NARS2: variants seen among roughly 807,000 people sequenced by gnomAD.
NARS2 encodes asparaginyl-tRNA synthetase 2, mitochondrial, also known as asparaginyl-tRNA synthetase.
In NARS2, 60 loss-of-function variants were observed where a neutral mutation model predicts 62.9. That is an observed-to-expected ratio of 0.95 (90% CI 0.77 to 1.18). The LOEUF (loss-of-function observed/expected upper bound fraction) is 1.18, where lower values mean the gene tolerates loss of function less well. Among genes scored for constraint, NARS2 ranks in the 50% most tolerant of loss-of-function variants. The pLI is 0.00. For synonymous variants in NARS2, 196 were observed against 200.0 expected, an observed-to-expected ratio of 0.98 and a Z score of 0.17; for missense variants, 619 against 576.4, an observed-to-expected ratio of 1.07 and a Z score of -0.76.
chr11:78,565,791 C>A (rs188339821), intron 4 of NARS2, among the ~76,000 whole-genome samples: 1 of 152,140 alleles, frequency 6.6e-6, no homozygotes, highest in Non-Finnish European at 1.5e-5. Flanking sequence ...GGCTGTAGGT[C>A]GGGACCTGAG....
intron 6 of NARS2, among the ~76,000 whole-genome samples, chr11:78,500,555 C>T (rs559264711): frequency 3.3e-5 from 5 of 152,194 alleles, no homozygotes; most frequent in Middle Eastern, 3.4e-3. Flanking sequence ...CTCACTGTAG[C>T]CTCAACCTCC....
At chr11:78,454,501 T>A (rs532000409) in intron 11 of NARS2, among the ~76,000 whole-genome samples, 45 of 152,298 alleles carry the variant, frequency 3.0e-4, no homozygotes, top group South Asian at 1.2e-3. Context: ...TTTGCCTTTT[T>A]GTCATGAGTA....
At chr11:78,532,096 T>C (rs1861501669) in intron 5 of NARS2, among the ~76,000 whole-genome samples, 1 of 152,172 alleles carries the variant, frequency 6.6e-6, no homozygotes, top group African/African-American at 2.4e-5. Flanking sequence ...AACCTAGGAT[T>C]GCAAATTTAA....
chr11:78,487,366 A>G (rs1369605215), intron 7 of NARS2, among the ~76,000 whole-genome samples: 1 of 151,690 alleles, frequency 6.6e-6, no homozygotes, highest in Non-Finnish European at 1.5e-5. Context: ...AAAAAAAAAA[A>G]AAAAGAAAGA....
intron 11 of NARS2, among the ~76,000 whole-genome samples, chr11:78,454,935 A>G (rs1050730731): frequency 6.6e-6 from 1 of 152,160 alleles, no homozygotes; most frequent in Non-Finnish European, 1.5e-5. Flanking sequence ...GTATTTTTTT[A>G]TAGCAACTTA....
intron 6 of NARS2, among the ~76,000 whole-genome samples, chr11:78,507,644 C>T (rs1459761133): frequency 1.3e-5 from 2 of 151,966 alleles, no homozygotes; most frequent in South Asian, 2.1e-4. Flanking sequence ...CTCAGCCTCC[C>T]GAGTAGCTGG....
chr11:78,522,267 C>T (rs879587079), intron 6 of NARS2, among the ~76,000 whole-genome samples: 2 of 151,986 alleles, frequency 1.3e-5, no homozygotes, highest in Admixed American at 6.6e-5. Context: ...TGACAATCTA[C>T]TCTCTAATGA....
At chr11:78,526,837 T>C (rs944905568) in intron 6 of NARS2, among the ~76,000 whole-genome samples, 1 of 152,224 alleles carries the variant, frequency 6.6e-6, no homozygotes, top group Non-Finnish European at 1.5e-5. Context: ...TTATAAATAA[T>C]AGAAATGAAT....
chr11:78,521,095 C>T (rs1339770559), intron 6 of NARS2, among the ~76,000 whole-genome samples: 1 of 146,840 alleles, frequency 6.8e-6, no homozygotes, highest in African/African-American at 2.5e-5. Flanking sequence ...ATGATGGGTG[C>T]GAAGAGGAAA....
At chr11:78,504,204 C>A (rs1860396056) in intron 6 of NARS2, among the ~76,000 whole-genome samples, 1 of 152,128 alleles carries the variant, frequency 6.6e-6, no homozygotes, top group African/African-American at 2.4e-5. Context: ...GGAGGAAAGC[C>A]CAGAATAATT....
chr11:78,571,513 G>C, intron 1 of NARS2, 69 bp from the exon 2 acceptor site: 2 of 1,062,538 alleles, frequency 1.9e-6, no homozygotes, highest in African/African-American at 1.6e-5. Context: ...TACACACACA[G>C]ACTAAATGAA....
intron 13 of NARS2, among the ~76,000 whole-genome samples, chr11:78,439,161 C>T (rs1051944689): frequency 2.0e-5 from 3 of 151,980 alleles, no homozygotes; most frequent in Non-Finnish European, 2.9e-5. Flanking sequence ...CCTCAGCCTC[C>T]GGAGTAGCTG....
In NARS2 at chr11:78,492,619, T is replaced by C. The variant is rs140071782; in HGVS notation, c.822+444A>G. Among the ~76,000 whole-genome samples, 779 of 152,326 alleles carry C rather than the reference T, an allele frequency of 5.1e-3. 4 individuals carry two copies. Among genetic ancestry groups the C allele is most frequent in the African/African-American group, 0.018 (755 of 41,578 alleles). ...TTTCTAATATAGCTACATAGGGGTT[T>C]ATGTAAGTATTACAGACATTTATAT... On this transcript the variant is annotated intron_variant, in intron 7 of 13. Transcript: ENST00000281038.
At chr11:78,486,757 T>G (rs1046765466) in intron 7 of NARS2, among the ~76,000 whole-genome samples, 4 of 152,014 alleles carry the variant, frequency 2.6e-5, no homozygotes, top group African/African-American at 9.7e-5. Flanking sequence ...TGAATTCTCA[T>G]GAGAAAAAAT....
At chr11:78,484,234 C>G (rs1591187123) in intron 7 of NARS2, among the ~76,000 whole-genome samples, 2 of 151,860 alleles carry the variant, frequency 1.3e-5, no homozygotes, top group Admixed American at 1.3e-4. Context: ...TATATAAAAA[C>G]TAACTCAAGA....
intron 6 of NARS2, among the ~76,000 whole-genome samples, chr11:78,502,451 C>T (rs1264627788): frequency 6.6e-6 from 1 of 152,184 alleles, no homozygotes; most frequent in African/African-American, 2.4e-5. Flanking sequence ...ACCCTTATGT[C>T]CTCATATAAC....
intron 11 of NARS2, among the ~76,000 whole-genome samples, chr11:78,448,705 T>C (rs1333936347): frequency 6.6e-6 from 1 of 152,114 alleles, no homozygotes; most frequent in African/African-American, 2.4e-5. Context: ...TCAGAGACTA[T>C]GGAATAACCG....
intron 6 of NARS2, among the ~76,000 whole-genome samples, chr11:78,517,405 C>G (rs1860953798): frequency 6.6e-6 from 1 of 152,188 alleles, no homozygotes; most frequent in Admixed American, 6.5e-5. Context: ...AGGTGGGGAG[C>G]TGAGCAAAGA....
intron 11 of NARS2, among the ~76,000 whole-genome samples, chr11:78,455,030 C>T (rs1858107624): frequency 6.6e-6 from 1 of 152,176 alleles, no homozygotes; most frequent in Non-Finnish European, 1.5e-5. Context: ...TCTTTCTCTC[C>T]ATTTTCACTG....
Sources: gnomAD v4.1 joint callset for allele counts (sites outside exome capture counted in the v4.1 genomes callset) on GRCh38, gnomAD v4.1.1 for gene constraint, MANE v1.5 for transcripts, NCBI Gene and HGNC (gene_info 2026-07-23, HGNC 2026-07-21) for gene names.